The following RHBDL3 variants were observed in gnomAD, a reference collection of about 807,000 sequenced individuals.
RHBDL3 encodes rhomboid-related protein 3.
A neutral mutation model predicts 48.2 loss-of-function variants in RHBDL3; 28 were observed. That is an observed-to-expected ratio of 0.58 (90% CI 0.43 to 0.80). RHBDL3 has a LOEUF of 0.80. Among genes scored for constraint, RHBDL3 ranks in the 30% least tolerant of loss-of-function variants. The pLI is 0.00. For synonymous variants in RHBDL3, 208 were observed against 232.3 expected (o/e 0.90, Z 0.95); for missense variants, 464 against 542.7 (o/e 0.85, Z 1.44).
At chr17:32,271,748 A>G (rs1156652825) in intron 2 of RHBDL3, among the ~76,000 whole-genome samples, 1 of 152,240 alleles carries the variant, frequency 6.6e-6, no homozygotes, top group Non-Finnish European at 1.5e-5. Flanking sequence ...AAAATGCAGT[A>G]TTGAAAGTAA....
In RHBDL3 at chr17:32,288,788, A is replaced by C; in HGVS notation, c.295-4A>C. 1.9e-6 allele frequency: 3 copies of C among 1,607,556 alleles called. No homozygotes were observed. The highest frequency in any genetic ancestry group is 2.5e-6 in the Non-Finnish European group (3 of 1,176,718). ...ACCCTCTCCCCACTCCATTTCCTGC[A>C]CAGATGAGCAACAAGCGTTCCAACA... On this transcript the variant is annotated splice_polypyrimidine_tract_variant and splice_region_variant and intron_variant, in intron 3 of 8. Transcript: ENST00000269051.
At chr17:32,314,841 A>G (rs1165593224) in intron 7 of RHBDL3, among the ~76,000 whole-genome samples, 1 of 152,184 alleles carries the variant, frequency 6.6e-6, no homozygotes, top group African/African-American at 2.4e-5. Context: ...TCTCCTGGCA[A>G]GGCTCCTCTG....
intron 6 of RHBDL3, among the ~76,000 whole-genome samples, chr17:32,301,420 C>G (rs930717277): frequency 6.8e-6 from 1 of 145,992 alleles, no homozygotes; most frequent in Non-Finnish European, 1.5e-5. Context: ...AAAAAAAAAT[C>G]AATATCACCA....
intron 1 of RHBDL3, 98 bp from the exon 2 acceptor site, chr17:32,267,802 CTA>C (rs1258752045): frequency 1.9e-6 from 3 of 1,598,376 alleles, no homozygotes; most frequent in Admixed American, 1.7e-5. Flanking sequence ...CGCTGGGAGG[CTA>C]TGTCAGAAAC....
intron 7 of RHBDL3, among the ~76,000 whole-genome samples, chr17:32,305,697 G>A (rs1418998825): frequency 2.6e-5 from 4 of 152,068 alleles, no homozygotes; most frequent in Admixed American, 6.6e-5. Context: ...ATTCACCAAC[G>A]TTAAAGAGTT....
chr17:32,271,036 T>C (rs138018446), intron 2 of RHBDL3, among the ~76,000 whole-genome samples: 11 of 152,208 alleles, frequency 7.2e-5, no homozygotes, highest in African/African-American at 2.6e-4. Flanking sequence ...CCTCCGTTTT[T>C]TAAAAGTTTA....
chr17:32,268,144 A>C lies in RHBDL3; in HGVS notation c.135+219A>C, dbSNP rs182786846. Among the ~76,000 whole-genome samples the C allele has an allele frequency of 9.2e-5, 14 of 151,640 alleles. 1 individual carries two copies. The highest frequency in any genetic ancestry group is 7.2e-4 in the Admixed American group (11 of 15,230). On this transcript the variant is annotated intron_variant, in intron 2 of 8. Coordinates refer to ENST00000269051, the MANE Select transcript of RHBDL3 (RefSeq NM_138328.3). The stretch of plus-strand genomic sequence containing the variant: ...AGGATCTCCCTCCTGCCTCCTCCCT[A>C]CTCTGCTGCACCAGAGCCGGGTTTA...
intron 2 of RHBDL3, among the ~76,000 whole-genome samples, chr17:32,269,654 G>A (rs1170638894): frequency 6.6e-6 from 1 of 152,226 alleles, no homozygotes; most frequent in Non-Finnish European, 1.5e-5. Context: ...AGGCAGGAGG[G>A]AGCCCGCTGC....
intron 2 of RHBDL3, among the ~76,000 whole-genome samples, chr17:32,279,226 T>A (rs1341502046): frequency 1.3e-5 from 2 of 152,144 alleles, no homozygotes. Flanking sequence ...GAGGTTTCAG[T>A]CAAGGGGTGC....
chr17:32,275,075 G>T (rs62064182), intron 2 of RHBDL3, among the ~76,000 whole-genome samples: 18,960 of 152,116 alleles, frequency 0.12, 1,429 homozygotes, highest in Non-Finnish European at 0.16. Flanking sequence ...TGGGGGACCA[G>T]AGAGACCCTT....
chr17:32,293,482 T>C (rs2040379849), intron 4 of RHBDL3, among the ~76,000 whole-genome samples: 1 of 151,502 alleles, frequency 6.6e-6, no homozygotes, highest in African/African-American at 2.4e-5. Context: ...CTTGGGAGGC[T>C]GAGGTAGGAT....
intron 2 of RHBDL3, among the ~76,000 whole-genome samples, chr17:32,274,770 C>T (rs2039853609): frequency 6.6e-6 from 1 of 152,072 alleles, no homozygotes; most frequent in Non-Finnish European, 1.5e-5. Flanking sequence ...CAGTGAGGAC[C>T]TTTTGCGGCA....
At chr17:32,285,931 T>C (rs2040189354) in intron 3 of RHBDL3, among the ~76,000 whole-genome samples, 1 of 152,182 alleles carries the variant, frequency 6.6e-6, no homozygotes, top group Non-Finnish European at 1.5e-5. Flanking sequence ...GGTCCAGCCT[T>C]GGTCCAAGGG....
Position 32,267,841 on chromosome 17 carries a change from A to G in RHBDL3, c.112-61A>G, listed in dbSNP as rs1339987512. 16 of 1,613,270 alleles carry G rather than the reference A, an allele frequency of 9.9e-6. No homozygotes were observed. In the Admixed American group the frequency reaches 1.0e-4, roughly 10 times the overall value. On this transcript the variant is annotated intron_variant, in intron 1 of 8. Coordinates refer to ENST00000269051, the MANE Select transcript of RHBDL3 (RefSeq NM_138328.3). ...TCCGAGGACTACAGAGACCTTGGTG[A>G]TAAGTGTGTCTTTCTTTCTCTCCTC... is the stretch of plus-strand genomic sequence containing the variant.
At chr17:32,289,734 C>T (rs544268583) in intron 4 of RHBDL3, among the ~76,000 whole-genome samples, 13 of 152,376 alleles carry the variant, frequency 8.5e-5, no homozygotes, top group African/African-American at 3.1e-4. Context: ...CTCCACTCAA[C>T]AACCTGTGCA....
At chr17:32,267,591 C>T (rs1048690569) in intron 1 of RHBDL3, 8 of 202,642 alleles carry the variant, frequency 3.9e-5, no homozygotes, top group Non-Finnish European at 6.1e-5. Context: ...ATTTGGACGC[C>T]TTTATTTAGT....
At chr17:32,270,072 T>A (rs920372944) in intron 2 of RHBDL3, among the ~76,000 whole-genome samples, 6 of 134,398 alleles carry the variant, frequency 4.5e-5, no homozygotes, top group Non-Finnish European at 6.1e-5. Flanking sequence ...ACGCCGGTAA[T>A]CCCAGCATTT....
chr17:32,303,406 G>A (rs575834991), intron 6 of RHBDL3, among the ~76,000 whole-genome samples: 3 of 152,354 alleles, frequency 2.0e-5, no homozygotes, highest in African/African-American at 7.2e-5. Context: ...CCCACCAGGA[G>A]AGCGTGGGAA....
At chr17:32,319,766 G>C (rs1477817744) in intron 8 of RHBDL3, among the ~76,000 whole-genome samples, 1 of 152,198 alleles carries the variant, frequency 6.6e-6, no homozygotes, top group Admixed American at 6.5e-5. Flanking sequence ...AGCTAAATAG[G>C]TATAAAATTC....
Sources: gnomAD v4.1 joint callset for allele counts (sites outside exome capture counted in the v4.1 genomes callset) on GRCh38, gnomAD v4.1.1 for gene constraint, MANE v1.5 for transcripts, NCBI Gene and HGNC (gene_info 2026-07-23, HGNC 2026-07-21) for gene names.